DAXX: variants seen among roughly 807,000 people sequenced by gnomAD.
DAXX encodes the protein death domain associated protein.
DAXX carries 24 observed loss-of-function variants against 61.9 expected under a neutral mutation model. The ratio of observed to expected loss-of-function variants is 0.39; its 90% confidence interval spans 0.28 to 0.55. The LOEUF (loss-of-function observed/expected upper bound fraction) is 0.55, where lower values mean the gene tolerates loss of function less well. Among genes scored for constraint, DAXX ranks in the 20% least tolerant of loss-of-function variants. The pLI is 0.69. For missense variants in DAXX, 819 were observed against 935.3 expected, an observed-to-expected ratio of 0.88 and a Z score of 1.62; for synonymous variants, 357 against 369.5, an observed-to-expected ratio of 0.97 and a Z score of 0.39.
In DAXX at chr6:33,322,847, C is replaced by T. The variant is rs1770802574; in HGVS notation, c.-53+15G>A. Reference sequence around the variant, plus strand: ...CCCGCCCCCGCCTCTGATCCCCGCACCGTCCGGCCCCCACCTCAGAAACCG... The same window carrying T: ...CCCGCCCCCGCCTCTGATCCCCGCATCGTCCGGCCCCCACCTCAGAAACCG... On this transcript the variant is annotated intron_variant, in intron 1 of 7. Coordinates refer to ENST00000374542, the MANE Select transcript of DAXX (RefSeq NM_001141969.2). 1 of 1,357,774 alleles carries T rather than the reference C, an allele frequency of 7.4e-7. No homozygotes were observed. The highest frequency in any genetic ancestry group is 1.0e-6 in the Non-Finnish European group (1 of 990,244). 84.1% of individuals were successfully genotyped at this position (1,357,774 alleles called of 1,614,324 possible).
intron 1 of DAXX, 91 bp downstream of exon 1, chr6:33,322,771 T>C: frequency 3.9e-6 from 2 of 516,828 alleles, no homozygotes; most frequent in South Asian, 1.7e-5. Flanking sequence ...TACCACAGCT[T>C]TCCCCTCAGA....
Position 33,318,986 on chromosome 6 carries a change from C to A in DAXX, c.2163+11G>T, listed in dbSNP as rs763390055. On this transcript the variant is annotated intron_variant, in intron 7 of 7. Coordinates refer to ENST00000374542, the MANE Select transcript of DAXX (RefSeq NM_001141969.2). ...CAAATTGTCAGAGGAAACACGCCCT[C>A]CCCTTCTTACCTTGCAAGTACCAGG... The A allele has an allele frequency of 3.1e-6, 5 of 1,606,364 alleles. No homozygotes were observed. In the South Asian group the frequency reaches 4.4e-5, roughly 14 times the overall value.
rs1442648390 is a variant in DAXX, at chr6:33,321,181, A to G, written c.594T>C (p.Tyr198=). Residue 198 remains tyrosine, a synonymous_variant, in exon 3 of 8, where the codon TAT becomes TAC. Transcript: ENST00000374542. The surrounding 1 kb of genome is among the most constrained non-coding windows in gnomAD (Gnocchi z 7.2). ...IQRLEQLLAL[Y]VAEIRRLQEK... ...CCTGCAGCCGCCGGATCTCTGCCACATAGAGCGCCAGCAGCTGCTCCAAAC... is the reference window on the plus strand; with the variant it reads ...CCTGCAGCCGCCGGATCTCTGCCACGTAGAGCGCCAGCAGCTGCTCCAAAC... The G allele has an allele frequency of 3.8e-5, 61 of 1,613,420 alleles. No homozygotes were observed. Among genetic ancestry groups the G allele is most frequent in the Non-Finnish European group, 4.7e-5 (56 of 1,179,442 alleles).
Position 33,321,830 on chromosome 6 carries a change from G to A in DAXX, c.96C>T (p.Ala32=), listed in dbSNP as rs760470702. 6.2e-6 allele frequency: 10 copies of A among 1,612,696 alleles called. No homozygotes were observed. Among genetic ancestry groups the A allele is most frequent in the African/African-American group, 1.3e-5 (1 of 75,010 alleles). The change falls in exon 2 of 8, where the codon GCC becomes GCT. Residue 32 remains alanine, a synonymous_variant. Transcript: ENST00000374542. The surrounding 1 kb of genome is among the most constrained non-coding windows in gnomAD (Gnocchi z 7.2). ...AGCTAGGGGCTTCTGCCCCAGGTGA[G>A]GCCGCATTGGGGAGTGGGTGGGAGG... ...PGPSHPLPNA[A]SPGAEAPSSS... is the part of the protein sequence containing the mutation.
Position 33,321,813 on chromosome 6 carries a change from G to A in DAXX, c.113C>T (p.Ala38Val), listed in dbSNP as rs2150999710. Residue 38 changes from alanine to valine, a missense_variant, in exon 2 of 8, where the codon GCC becomes GTC. By Grantham distance (64) the Ala-to-Val change is moderately conservative. Transcript: ENST00000374542. The surrounding 1 kb of genome is among the most constrained non-coding windows in gnomAD (Gnocchi z 7.2). The stretch of plus-strand genomic sequence containing the variant: ...CCCATGAGGCTCAGAGGAGCTAGGG[G>A]CTTCTGCCCCAGGTGAGGCCGCATT... ...LPNAASPGAE[A>V]PSSSEPHGAR... is the part of the protein sequence containing the mutation. 6.2e-7 allele frequency: 1 copy of A among 1,612,434 alleles called. No homozygotes were observed. Among genetic ancestry groups the A allele is most frequent in the East Asian group, 2.2e-5 (1 of 44,876 alleles).
At chr6:33,318,970 A>G (rs1770168321) in intron 7 of DAXX, 27 bp downstream of exon 7, 1 of 1,584,324 alleles carries the variant, frequency 6.3e-7, no homozygotes, top group Non-Finnish European at 8.7e-7. Context: ...ACAAATTGTC[A>G]GAGGAAACAC....
Position 33,320,944 on chromosome 6 carries a change from CTTG to C in DAXX, c.828_830del (p.Asn276del). The C allele has an allele frequency of 6.2e-7, 1 of 1,614,190 alleles. No individual in the cohort carries two copies. Among genetic ancestry groups the C allele is most frequent in the Non-Finnish European group, 8.5e-7 (1 of 1,180,008 alleles). ...AGTCAGGGAAGGTATCAGGCCCTGG[CTTG>C]TTGATGAGCCGCTCAATGCGCCTGT... On this transcript the variant is annotated inframe_deletion, in exon 3 of 8. Coordinates refer to ENST00000374542, the MANE Select transcript of DAXX (RefSeq NM_001141969.2). This position sits in a 1 kb window ranked among gnomAD's most constrained non-coding sequence, Gnocchi z 7.1.
Position 33,319,829 on chromosome 6 carries a change from C to T in DAXX, c.1491G>A (p.Met497Ile). Reference protein sequence around the residue: ...AAGKDGDKSPMSSLQISNEKN... With the variant: ...AAGKDGDKSPISSLQISNEKN... ...TTTCATTGGAGATCTGTAGTGAGGA[C>T]ATGGGGCTCTTGTCTCCATCTTTAC... The change falls in exon 6 of 8, where the codon ATG (methionine) becomes ATA (isoleucine). Residue 497 changes from methionine to isoleucine, a missense_variant. By Grantham distance (10) the Met-to-Ile change is conservative (BLOSUM62 1). Transcript: ENST00000374542. 2 of 1,611,640 alleles carry T rather than the reference C, an allele frequency of 1.2e-6. No homozygotes were observed. The highest frequency in any genetic ancestry group is 8.5e-7 in the Non-Finnish European group (1 of 1,178,884).
Position 33,321,322 on chromosome 6 carries a change from G to A in DAXX, c.453C>T (p.Thr151=), listed in dbSNP as rs2150996904. Residue 151 remains threonine, a synonymous_variant, in exon 3 of 8, where the codon ACC becomes ACT. Coordinates refer to ENST00000374542, the MANE Select transcript of DAXX (RefSeq NM_001141969.2). The surrounding 1 kb of genome is among the most constrained non-coding windows in gnomAD (Gnocchi z 7.2). ...KKLNLAPAAT[T]SNEPSGNNPP... ...GGTTATTCCCAGAGGGCTCATTGGA[G>A]GTGGTGGCGGCAGGGGCCAAGTTCA... is the stretch of plus-strand genomic sequence containing the variant. 6.2e-7 allele frequency: 1 copy of A among 1,611,324 alleles called. No individual in the cohort carries two copies. The highest frequency in any genetic ancestry group is 1.1e-5 in the South Asian group (1 of 91,020).
Position 33,319,150 on chromosome 6 carries a change from A to C in DAXX, c.2010T>G (p.Pro670=), listed in dbSNP as rs1216908432. ...GKKICTLPSP[P]SPLASLAPVA... ...CTGGGGCCAAGGAAGCCAAGGGGGA[A>C]GGTGGGCTGGGCAGGGTACATATCT... is the stretch of plus-strand genomic sequence containing the variant. Residue 670 remains proline, a synonymous_variant, in exon 7 of 8, where the codon CCT becomes CCG. Coordinates refer to ENST00000374542, the MANE Select transcript of DAXX (RefSeq NM_001141969.2). 1 of 1,614,148 alleles carries C rather than the reference A, an allele frequency of 6.2e-7. No individual in the cohort carries two copies. Among genetic ancestry groups the C allele is most frequent in the African/African-American group, 1.3e-5 (1 of 75,062 alleles).
In DAXX at chr6:33,319,501, T is replaced by C. The variant is rs1290385226; in HGVS notation, c.1819A>G (p.Met607Val). Residue 607 changes from methionine (M) to valine (V), a missense_variant, in exon 6 of 8, where the codon ATG (methionine) becomes GTG (valine). Met to Val is a conservative substitution (Grantham distance 21). Transcript: ENST00000374542. Reference sequence around the variant, plus strand: ...CCATTGAAGGAAGTAGAAGAGACCATGCCTGCTCCATTCTCTAAGACAGTG... The same window carrying C: ...CCATTGAAGGAAGTAGAAGAGACCACGCCTGCTCCATTCTCTAAGACAGTG... ...FTTVLENGAG[M>V]VSSTSFNGGV... 1 of 1,614,110 alleles carries C rather than the reference T, an allele frequency of 6.2e-7. No individual in the cohort carries two copies. The highest frequency in any genetic ancestry group is 1.7e-5 in the Admixed American group (1 of 60,012).
rs751521776 is a variant in DAXX, at chr6:33,320,010, CCTG to C, written c.1463_1465del (p.Ala488del). 3 of 1,613,836 alleles carry C rather than the reference CCTG, an allele frequency of 1.9e-6. No homozygotes were observed. Among genetic ancestry groups the C allele is most frequent in the South Asian group, 1.1e-5 (1 of 91,052 alleles). ...GTGAGGAGAATGTTCCCTTGACATA[CCTG>C]CTGCTGCTTCTTCCTCTTCGTCCTC... On this transcript the variant is annotated inframe_deletion and splice_region_variant, in exon 5 of 8. Coordinates refer to ENST00000374542, the MANE Select transcript of DAXX (RefSeq NM_001141969.2). The surrounding 1 kb of genome is among the most constrained non-coding windows in gnomAD (Gnocchi z 7.1).
Position 33,319,867 on chromosome 6 carries a change from A to G in DAXX, c.1466-13T>C. On this transcript the variant is annotated splice_polypyrimidine_tract_variant and intron_variant, in intron 5 of 7. Coordinates refer to ENST00000374542, the MANE Select transcript of DAXX (RefSeq NM_001141969.2). ...TCTCCATCTTTACCTGGAAAAGAAGAAAAGGGGAGAGGGTAGCCTGAGAAT... is the reference window on the plus strand; with the variant it reads ...TCTCCATCTTTACCTGGAAAAGAAGGAAAGGGGAGAGGGTAGCCTGAGAAT... The G allele has an allele frequency of 6.2e-7, 1 of 1,602,760 alleles. No homozygotes were observed. The highest frequency in any genetic ancestry group is 8.5e-7 in the Non-Finnish European group (1 of 1,174,422).
In DAXX at chr6:33,319,488, G is replaced by C. The variant is rs751278404; in HGVS notation, c.1832C>G (p.Thr611Ser). The C allele has an allele frequency of 6.2e-7, 1 of 1,614,118 alleles. No individual in the cohort carries two copies. The highest frequency in any genetic ancestry group is 8.5e-7 in the Non-Finnish European group (1 of 1,180,036). The change falls in exon 6 of 8, where the codon ACT becomes AGT. Residue 611 changes from threonine (T) to serine (S), a missense_variant. Physicochemically the swap from Thr to Ser is moderately conservative, Grantham distance 58. Coordinates refer to ENST00000374542, the MANE Select transcript of DAXX (RefSeq NM_001141969.2). ...LENGAGMVSS[T>S]SFNGGVSPHN... ...AGGAGAGACGCCTCCATTGAAGGAA[G>C]TAGAAGAGACCATGCCTGCTCCATT...
rs760147301 is a variant in DAXX, at chr6:33,321,330, C to T, written c.445G>A (p.Ala149Thr). 20 of 1,610,824 alleles carry T rather than the reference C, an allele frequency of 1.2e-5. No individual in the cohort carries two copies. The highest frequency in any genetic ancestry group is 1.7e-5 in the Non-Finnish European group (20 of 1,177,174). ...CCAGAGGGCTCATTGGAGGTGGTGG[C>T]GGCAGGGGCCAAGTTCAGCTTCTTT... ...AKKKLNLAPA[A>T]TTSNEPSGNN... The change falls in exon 3 of 8, where the codon GCC (alanine) becomes ACC (threonine). Residue 149 changes from alanine (A) to threonine (T), a missense_variant. Transcript: ENST00000374542. This position sits in a 1 kb window ranked among gnomAD's most constrained non-coding sequence, Gnocchi z 7.2.
rs749468991 is a variant in DAXX, at chr6:33,320,547, G to A, written c.1084C>T (p.Arg362Trp). Residue 362 changes from arginine to tryptophan, a missense_variant, in exon 4 of 8, where the codon CGG becomes TGG. By Grantham distance (101) the Arg-to-Trp change is moderately radical. Coordinates refer to ENST00000374542, the MANE Select transcript of DAXX (RefSeq NM_001141969.2). This position sits in a 1 kb window ranked among gnomAD's most constrained non-coding sequence, Gnocchi z 7.1. ...CTCATGGCCAAACTCCGGTTTTCCC[G>A]AAGGCGCCGGGCCAACACAGGATCT... ...LSDPVLARRL[R>W]ENRSLAMSRL... 79 of 1,613,880 alleles carry A rather than the reference G, an allele frequency of 4.9e-5. No individual in the cohort carries two copies. Among genetic ancestry groups the A allele is most frequent in the Non-Finnish European group, 5.9e-5 (70 of 1,180,020 alleles).
rs143737807 is a variant in DAXX, at chr6:33,319,046, C to T, written c.2114G>A (p.Arg705Gln). ...TSSLCIPSPA[R>Q]LSQTPHSQPP... ...CTGTGAATGGGGGGTTTGGGACAGC[C>T]GGGCTGGAGAAGGGATGCAGAGGGA... Residue 705 changes from arginine to glutamine, a missense_variant, in exon 7 of 8, where the codon CGG becomes CAG. Transcript: ENST00000374542. The T allele has an allele frequency of 1.9e-5, 31 of 1,613,720 alleles. No homozygotes were observed. The South Asian group carries it at 2.9e-4, about 15-fold the overall frequency.
intron 5 of DAXX, 54 bp downstream of exon 5, chr6:33,319,957 C>G (rs1414590984): frequency 6.2e-7 from 1 of 1,610,696 alleles, no homozygotes; most frequent in South Asian, 1.1e-5. Context: ...AAACAGGTGG[C>G]TCATGCCTAA....
Position 33,320,845 on chromosome 6 carries a change from C to G in DAXX, c.930G>C (p.Gln310His), listed in dbSNP as rs758719655. The stretch of plus-strand genomic sequence containing the variant: ...CTCGGAAGGCATCCTGAGCCATGAG[C>G]TGGAGCTGCTGTCGGGGGAGGCCAA... ...HSLGLPRQQL[Q>H]LMAQDAFRDV... The change falls in exon 3 of 8, where the codon CAG (glutamine) becomes CAC (histidine). Residue 310 changes from glutamine to histidine, a missense_variant. Physicochemically the swap from Gln to His is conservative, Grantham distance 24 (BLOSUM62 0). Transcript: ENST00000374542. This position sits in a 1 kb window ranked among gnomAD's most constrained non-coding sequence, Gnocchi z 7.1. 1 of 1,614,200 alleles carries G rather than the reference C, an allele frequency of 6.2e-7. No homozygotes were observed. The highest frequency in any genetic ancestry group is 8.5e-7 in the Non-Finnish European group (1 of 1,180,036).
Sources: gnomAD v4.1 joint callset for allele counts on GRCh38, gnomAD v4.1.1 for gene constraint, Gnocchi (gnomAD v3.1) non-coding constraint, MANE v1.5 for transcripts, NCBI Gene and HGNC (gene_info 2026-07-23, HGNC 2026-07-21) for gene names.